Variants in KLRG2 observed in about 807,000 individuals in gnomAD.
KLRG2 encodes the protein killer cell lectin-like receptor subfamily G member 2.
Under a neutral mutation model 35.4 loss-of-function variants are expected in KLRG2, and 39 were observed. The observed-to-expected ratio is 1.10, with a 90% confidence interval of 0.85 to 1.44. KLRG2 has a LOEUF of 1.44. KLRG2 is among the 40% of genes most tolerant of loss of function. The pLI, the probability that KLRG2 is intolerant of heterozygous loss-of-function variation, is 0.00. For synonymous variants in KLRG2, 283 were observed against 265.8 expected, an observed-to-expected ratio of 1.06 and a Z score of -0.63; for missense variants, 632 against 570.9, an observed-to-expected ratio of 1.11 and a Z score of -1.09.
At position 139,467,739 on chromosome 7, in the gene KLRG2, G is replaced by C. The variant is rs550884653; in HGVS notation, c.1005+11888C>G. Among the ~76,000 whole-genome samples, 29 of 152,058 alleles carry C rather than the reference G, an allele frequency of 1.9e-4. No homozygotes were observed. The South Asian group carries it at 5.8e-3, about 31-fold the overall frequency. The stretch of plus-strand genomic sequence containing the variant: ...CCTCTGCCTAGGAAAGCCAGGTATT[G>C]TCCAAGGTTTCTCCCCATGGGATAG... On this transcript the variant is annotated intron_variant, in intron 3 of 4. Transcript: ENST00000340940.
At chr7:139,454,085 A>G (rs1396272474) in intron 4 of KLRG2, 26 bp downstream of exon 4, 1 of 1,278,102 alleles carries the variant, frequency 7.8e-7, no homozygotes, top group Admixed American at 2.0e-5. Context: ...ACAGCAGAGG[A>G]GGGAGAAAAG....
At position 139,453,689 on chromosome 7, in the gene KLRG2, C is replaced by T; in HGVS notation, c.1128G>A (p.Glu376=). ...LPPQLLPEDG[E]DNLDINCGAL... is the part of the protein sequence containing the mutation. ...CCCCACAGTTGATATCCAGATTGTC[C>T]TCGCCGTCCTCAGGGAGTCTGGGAA... Residue 376 remains glutamate (E), a synonymous_variant, in exon 5 of 5, where the codon GAG becomes GAA. Coordinates refer to ENST00000340940, the MANE Select transcript of KLRG2 (RefSeq NM_198508.4). 5.6e-6 allele frequency: 9 copies of T among 1,614,120 alleles called. No individual in the cohort carries two copies. Among genetic ancestry groups the T allele is most frequent in the South Asian group, 5.5e-5 (5 of 91,066 alleles).
the KLRG2 span, among the ~76,000 whole-genome samples, chr7:139,429,828 C>T: frequency 2.6e-5 from 4 of 152,198 alleles, no homozygotes; most frequent in African/African-American, 4.8e-5. Flanking sequence ...CCTTCCCCCC[C>T]CTTTCTATTC....
At chr7:139,435,683 T>G in the KLRG2 span, among the ~76,000 whole-genome samples, 2 of 152,178 alleles carry the variant, frequency 1.3e-5, no homozygotes, top group East Asian at 3.9e-4. Flanking sequence ...TTTATATAAA[T>G]GGAGTTATTG....
chr7:139,460,825 G>A (rs1290735855), intron 3 of KLRG2, among the ~76,000 whole-genome samples: 2 of 152,136 alleles, frequency 1.3e-5, no homozygotes, highest in Non-Finnish European at 2.9e-5. Context: ...TGCATGTGGT[G>A]GCAGGAGCCT....
chr7:139,461,496 A>G (rs1796566486), intron 3 of KLRG2, among the ~76,000 whole-genome samples: 1 of 152,244 alleles, frequency 6.6e-6, no homozygotes, highest in African/African-American at 2.4e-5. Context: ...CTAAGCCATC[A>G]TATCCCCTGT....
At chr7:139,479,072 A>ATT (rs935263164) in intron 3 of KLRG2, among the ~76,000 whole-genome samples, 18 of 152,116 alleles carry the variant, frequency 1.2e-4, no homozygotes, top group African/African-American at 4.3e-4. Context: ...AAAAAAAATT[A>ATT]TTTTTATTTT....
the KLRG2 span, among the ~76,000 whole-genome samples, chr7:139,445,154 C>T: frequency 5.3e-5 from 8 of 151,194 alleles, no homozygotes; most frequent in African/African-American, 2.0e-4. Flanking sequence ...AATCTCAGCT[C>T]ACTGCAATCT....
chr7:139,451,767 G>T (rs1389999627), downstream of KLRG2, among the ~76,000 whole-genome samples: 2 of 151,970 alleles, frequency 1.3e-5, no homozygotes, highest in African/African-American at 4.8e-5. Context: ...TCTCTAAAAG[G>T]TACTGAGAAG....
At chr7:139,445,048 A>G in the KLRG2 span, among the ~76,000 whole-genome samples, 1 of 151,848 alleles carries the variant, frequency 6.6e-6, no homozygotes, top group Non-Finnish European at 1.5e-5. Flanking sequence ...ACTAAGGGGA[A>G]TTAAGCATTT....
intron 3 of KLRG2, among the ~76,000 whole-genome samples, chr7:139,470,625 C>A (rs898739157): frequency 6.6e-6 from 1 of 151,930 alleles, no homozygotes; most frequent in African/African-American, 2.4e-5. Context: ...GATTTCATCT[C>A]TACAAAAAAT....
chr7:139,447,599 C>T, the KLRG2 span, among the ~76,000 whole-genome samples: 1 of 151,900 alleles, frequency 6.6e-6, no homozygotes. Flanking sequence ...CCGGGGGTTT[C>T]ACCATGTTGG....
downstream of KLRG2, among the ~76,000 whole-genome samples, chr7:139,451,165 T>C (rs534692660): frequency 1.3e-5 from 2 of 152,284 alleles, no homozygotes; most frequent in South Asian, 4.1e-4. Flanking sequence ...GGAAAAACAG[T>C]TGTCTGGGGC....
chr7:139,428,572 G>T, the KLRG2 span, among the ~76,000 whole-genome samples: 7 of 151,962 alleles, frequency 4.6e-5, no homozygotes, highest in African/African-American at 1.7e-4. Context: ...TACATTTTTT[G>T]ATTTCTTGAT....
intron 3 of KLRG2, among the ~76,000 whole-genome samples, chr7:139,459,898 C>T (rs1796539867): frequency 6.6e-6 from 1 of 152,114 alleles, no homozygotes; most frequent in Non-Finnish European, 1.5e-5. Context: ...ACTACAGGCA[C>T]CCGCCACCAC....
At chr7:139,472,287 C>T in intron 3 of KLRG2, among the ~76,000 whole-genome samples, 1 of 148,328 alleles carries the variant, frequency 6.7e-6, no homozygotes, top group East Asian at 1.9e-4. Context: ...AGGAATAAAA[C>T]AAACAAACAA....
intron 3 of KLRG2, among the ~76,000 whole-genome samples, chr7:139,466,064 C>T (rs536887196): frequency 1.1e-4 from 17 of 152,240 alleles, no homozygotes; most frequent in African/African-American, 4.1e-4. Flanking sequence ...ATTTCCTTTC[C>T]ATCGTAAAAA....
the KLRG2 span, among the ~76,000 whole-genome samples, chr7:139,433,670 A>G: frequency 8.0e-6 from 1 of 124,984 alleles, no homozygotes; most frequent in African/African-American, 3.2e-5. Context: ...TCTGTCACCC[A>G]GGCTGGAGTG....
chr7:139,428,026 G>T, the KLRG2 span, among the ~76,000 whole-genome samples: 1 of 152,188 alleles, frequency 6.6e-6, no homozygotes, highest in African/African-American at 2.4e-5. Context: ...CTGGCATAAA[G>T]TATTGTGACA....
Sources: allele counts gnomAD v4.1 joint callset (sites outside exome capture counted in the v4.1 genomes callset), GRCh38; gene constraint gnomAD v4.1.1; transcripts MANE v1.5; gene names NCBI Gene and HGNC (gene_info 2026-07-23, HGNC 2026-07-21).